CKMT2: variants seen among roughly 807,000 people sequenced by gnomAD.
CKMT2 encodes creatine kinase, mitochondrial 2, also known as creatine kinase S-type, mitochondrial.
CKMT2 carries 43 observed loss-of-function variants against 48.9 expected under a neutral mutation model. The observed-to-expected ratio is 0.88, with a 90% CI of 0.69 to 1.13. CKMT2 has a LOEUF of 1.13. CKMT2 is among the 50% of genes most tolerant of loss of function. The probability of loss-of-function intolerance (pLI) is 0.00; values close to 1 mark genes in which losing one functional copy is unlikely to be tolerated. For missense variants in CKMT2, 472 were observed against 555.4 expected (o/e 0.85, Z 1.51); for synonymous variants, 206 against 213.0 (o/e 0.97, Z 0.29).
In CKMT2 at chr5:81,255,057, T is replaced by A; in HGVS notation, c.512T>A (p.Ile171Asn). 1 of 1,613,878 alleles carries A rather than the reference T, an allele frequency of 6.2e-7. No homozygotes were observed. The highest frequency in any genetic ancestry group is 8.5e-7 in the Non-Finnish European group (1 of 1,179,988). Residue 171 changes from isoleucine (I) to asparagine (N), a missense_variant, in exon 5 of 10, where the codon ATC becomes AAC. Transcript: ENST00000254035. The stretch of plus-strand genomic sequence containing the variant: ...TCTCGGGTGCGCACTGGCCGCAGCA[T>A]CCGTGGGCTGAGCCTGCCTCCAGCC... ...LSSRVRTGRS[I>N]RGLSLPPACT...
At chr5:81,233,582 G>T (rs541263518) in intron 1 of CKMT2, among the ~76,000 whole-genome samples, 5 of 152,170 alleles carry the variant, frequency 3.3e-5, no homozygotes, top group Non-Finnish European at 5.9e-5. Flanking sequence ...GCACACAGGT[G>T]GGGGCAGCTC....
At chr5:81,257,645 A>G in intron 6 of CKMT2, 88 bp from the exon 7 acceptor site, 2 of 1,186,526 alleles carry the variant, frequency 1.7e-6, no homozygotes, top group East Asian at 2.5e-5. Flanking sequence ...AGGTGAAATG[A>G]AGCAATCAAG....
intron 4 of CKMT2, 101 bp from the exon 5 acceptor site, chr5:81,254,892 G>C (rs1219100514): frequency 1.0e-6 from 1 of 969,022 alleles, no homozygotes; most frequent in Non-Finnish European, 1.6e-6. Flanking sequence ...AGTGCCTGAG[G>C]GTCCCCAGGG....
intron 1 of CKMT2, chr5:81,244,025 T>C: frequency 3.0e-6 from 3 of 985,296 alleles, no homozygotes; most frequent in Non-Finnish European, 3.6e-6. Flanking sequence ...GACATTTGCC[T>C]CTTTCCCCAA....
intron 1 of CKMT2, among the ~76,000 whole-genome samples, chr5:81,236,719 G>C (rs1321616388): frequency 6.6e-6 from 1 of 152,188 alleles, no homozygotes; most frequent in Non-Finnish European, 1.5e-5. Context: ...GAGGGGTGGA[G>C]TCTGGAAGAA....
chr5:81,265,665 T>G (rs1330740452), intron 9 of CKMT2, among the ~76,000 whole-genome samples: 1 of 152,218 alleles, frequency 6.6e-6, no homozygotes, highest in African/African-American at 2.4e-5. Context: ...TTGCCTAGCA[T>G]AGTACAAACA....
At chr5:81,243,641 G>A (rs1756510074) in intron 1 of CKMT2, among the ~76,000 whole-genome samples, 1 of 152,074 alleles carries the variant, frequency 6.6e-6, no homozygotes, top group Non-Finnish European at 1.5e-5. Context: ...CCCCATAACA[G>A]GCCTTGAATG....
At chr5:81,258,218 G>A (rs555937785) in intron 7 of CKMT2, among the ~76,000 whole-genome samples, 1 of 150,312 alleles carries the variant, frequency 6.7e-6, no homozygotes, top group African/African-American at 2.5e-5. Flanking sequence ...TTTTTTGGAT[G>A]AGCCACCACG....
rs138751994 is a variant in CKMT2, at chr5:81,257,833, C to T, written c.856C>T (p.Arg286Ter). The T allele has an allele frequency of 1.5e-5, 25 of 1,613,156 alleles. No homozygotes were observed. Among genetic ancestry groups the T allele is most frequent in the South Asian group, 5.5e-5 (5 of 91,012 alleles). Residue 286 changes from arginine to a stop codon, truncating the protein, a stop_gained, in exon 7 of 10, where the codon CGA (arginine) becomes TGA (stop). Transcript: ENST00000254035. LOFTEE classifies it high-confidence loss of function. ...KGGNMKRVFE[R>*]FCRGLKEVER... is the part of the protein sequence containing the mutation. The stretch of plus-strand genomic sequence containing the variant: ...AGGCAATATGAAACGAGTATTTGAG[C>T]GATTCTGTCGTGGACTAAAAGAAGT...
intron 7 of CKMT2, 65 bp from the exon 8 acceptor site, chr5:81,259,055 G>C (rs1034532233): frequency 3.3e-6 from 5 of 1,511,600 alleles, no homozygotes; most frequent in African/African-American, 2.7e-5. Context: ...TCTGGTGTTA[G>C]GGATGTGCTG....
intron 1 of CKMT2, among the ~76,000 whole-genome samples, chr5:81,241,224 G>A (rs537645003): frequency 2.6e-5 from 4 of 152,176 alleles, no homozygotes; most frequent in Middle Eastern, 3.2e-3. Context: ...CTTCCAGCAC[G>A]TGGAGGGAGG....
At chr5:81,240,747 T>C (rs1018590025) in intron 1 of CKMT2, among the ~76,000 whole-genome samples, 2 of 152,196 alleles carry the variant, frequency 1.3e-5, no homozygotes, top group Non-Finnish European at 2.9e-5. Flanking sequence ...CTCTGTGACA[T>C]GGGATACCTA....
At chr5:81,245,967 A>G (rs2112793321) in intron 1 of CKMT2, among the ~76,000 whole-genome samples, 1 of 152,168 alleles carries the variant, frequency 6.6e-6, no homozygotes. Context: ...TTTCCAAACC[A>G]TTAGCACGAC....
At position 81,263,617 on chromosome 5, in the gene CKMT2, G is replaced by A; in HGVS notation, c.1140+1G>A. ...CATAGATAGAATTGGTCGATCAGAGGTAACGTCTCTCTCACTTTCCTAACA... is the reference window on the plus strand; with the variant it reads ...CATAGATAGAATTGGTCGATCAGAGATAACGTCTCTCTCACTTTCCTAACA... On this transcript the variant is annotated splice_donor_variant, in intron 9 of 9. Coordinates refer to ENST00000254035, the MANE Select transcript of CKMT2 (RefSeq NM_001099735.2). LOFTEE classifies it high-confidence loss of function. The A allele has an allele frequency of 6.2e-7, 1 of 1,609,852 alleles. No individual in the cohort carries two copies. The highest frequency in any genetic ancestry group is 8.5e-7 in the Non-Finnish European group (1 of 1,177,362).
intron 2 of CKMT2, among the ~76,000 whole-genome samples, chr5:81,251,526 T>G (rs910997740): frequency 6.6e-6 from 1 of 152,076 alleles, no homozygotes; most frequent in African/African-American, 2.4e-5. Flanking sequence ...AGGCGGAGGT[T>G]GTTGTGAGCC....
intron 1 of CKMT2, chr5:81,244,238 A>G: frequency 2.1e-6 from 2 of 966,780 alleles, no homozygotes; most frequent in Non-Finnish European, 1.2e-6. Flanking sequence ...ATCATGGCTC[A>G]TAGAAATCGC....
At chr5:81,262,303 C>T (rs1757251015) in intron 8 of CKMT2, among the ~76,000 whole-genome samples, 1 of 152,124 alleles carries the variant, frequency 6.6e-6, no homozygotes, top group South Asian at 2.1e-4. Flanking sequence ...ATGACTAAAA[C>T]ACCAAGAGCA....
Position 81,252,630 on chromosome 5 carries a change from A to G in CKMT2, c.153-65A>G. ...CTAGTGGAAGGATGGGCAAACAACA[A>G]GTCCTTCCATTGGCCCCTTTCCTCG... is the stretch of plus-strand genomic sequence containing the variant. On this transcript the variant is annotated intron_variant, in intron 2 of 9. Transcript: ENST00000254035. 2.6e-6 allele frequency: 4 copies of G among 1,535,158 alleles called. No individual in the cohort carries two copies. The East Asian group carries it at 6.7e-5, about 26-fold the overall frequency.
chr5:81,247,614 C>T (rs970151171), intron 1 of CKMT2, among the ~76,000 whole-genome samples: 2 of 152,246 alleles, frequency 1.3e-5, no homozygotes, highest in African/African-American at 2.4e-5. Flanking sequence ...CATTGCAAGC[C>T]TTGATTCTGG....
Sources: allele counts gnomAD v4.1 joint callset (sites outside exome capture counted in the v4.1 genomes callset), GRCh38; gene constraint gnomAD v4.1.1; transcripts MANE v1.5; gene names NCBI Gene and HGNC (gene_info 2026-07-23, HGNC 2026-07-21).